RALYL: variants seen among roughly 807,000 people sequenced by gnomAD.
RALYL encodes the protein RALY RNA binding protein like.
Under a neutral mutation model 35.1 loss-of-function variants are expected in RALYL, and 29 were observed. The ratio of observed to expected loss-of-function variants is 0.83; its 90% confidence interval spans 0.61 to 1.13. The LOEUF is 1.13. Among genes scored for constraint, RALYL ranks in the 50% most tolerant of loss-of-function variants. The probability of loss-of-function intolerance (pLI) is 0.00; values close to 1 mark genes in which losing one functional copy is unlikely to be tolerated. For synonymous variants in RALYL, 120 were observed against 127.6 expected (o/e 0.94, Z 0.40); for missense variants, 359 against 360.4 (o/e 1.00, Z 0.03).
chr8:84,537,350 A>T (rs1277470959), intron 2 of RALYL, among the ~76,000 whole-genome samples: 1 of 151,496 alleles, frequency 6.6e-6, no homozygotes, highest in Non-Finnish European at 1.5e-5. Flanking sequence ...TGCACCTGTG[A>T]TCTTAGCTAT....
chr8:84,210,226 G>T (rs931176191), intron 1 of RALYL, among the ~76,000 whole-genome samples: 6 of 151,888 alleles, frequency 4.0e-5, no homozygotes, highest in Non-Finnish European at 7.4e-5. Flanking sequence ...ATGTGTGTAT[G>T]TGTATATATA....
chr8:84,714,621 T>C (rs1842683445), intron 2 of RALYL, among the ~76,000 whole-genome samples: 1 of 151,974 alleles, frequency 6.6e-6, no homozygotes, highest in Non-Finnish European at 1.5e-5. Context: ...AGTAGTGTTT[T>C]CTATGCTCTA....
At chr8:84,471,066 T>G (rs1398741380) in intron 1 of RALYL, among the ~76,000 whole-genome samples, 1 of 152,214 alleles carries the variant, frequency 6.6e-6, no homozygotes, top group Non-Finnish European at 1.5e-5. Context: ...GGCTCTGAGT[T>G]ACTTTGTGAA....
At chr8:84,532,575 C>T (rs779967713) in intron 2 of RALYL, among the ~76,000 whole-genome samples, 29 of 151,930 alleles carry the variant, frequency 1.9e-4, no homozygotes, top group Admixed American at 9.8e-4. Flanking sequence ...TCAGGTACCA[C>T]GACCTATCTA....
At chr8:84,837,356 C>T (rs1339444851) in intron 4 of RALYL, among the ~76,000 whole-genome samples, 2 of 152,252 alleles carry the variant, frequency 1.3e-5, no homozygotes, top group South Asian at 2.1e-4. Context: ...ATTGAGAAGG[C>T]TCTAGTAGTA....
At chr8:84,744,865 G>A (rs1808240354) in intron 2 of RALYL, among the ~76,000 whole-genome samples, 6 of 151,816 alleles carry the variant, frequency 4.0e-5, no homozygotes, top group Admixed American at 3.9e-4. Context: ...TGAAGTACAG[G>A]GAGTTTTGCT....
intron 1 of RALYL, among the ~76,000 whole-genome samples, chr8:84,500,948 G>A (rs1240401524): frequency 1.3e-5 from 2 of 152,122 alleles, no homozygotes; most frequent in African/African-American, 4.8e-5. Context: ...GGAATGACAA[G>A]ATGATATAAA....
intron 1 of RALYL, among the ~76,000 whole-genome samples, chr8:84,464,410 C>T (rs1362109110): frequency 2.3e-4 from 35 of 150,734 alleles, no homozygotes; most frequent in African/African-American, 6.8e-4. Context: ...TTTGTTCTTG[C>T]GATAGTTTAC....
At chr8:84,739,822 A>G (rs1490939443) in intron 2 of RALYL, among the ~76,000 whole-genome samples, 2 of 151,948 alleles carry the variant, frequency 1.3e-5, no homozygotes, top group African/African-American at 4.8e-5. Flanking sequence ...TTAAACTTTT[A>G]TACAAACTTT....
rs530519658 is a variant in RALYL at position 84,508,050 on chromosome 8, A to G, written c.-23-21249A>G. Among the ~76,000 whole-genome samples, 46 of 152,286 alleles carry G rather than the reference A, an allele frequency of 3.0e-4. No individual in the cohort carries two copies. In the South Asian group the frequency reaches 9.3e-3, roughly 31 times the overall value. On this transcript the variant is annotated intron_variant, in intron 1 of 8. Coordinates refer to ENST00000521268, the MANE Select transcript of RALYL (RefSeq NM_173848.7). Reference sequence around the variant, plus strand: ...GAGTCAATATGTTCTTTTCACTATCATTGTAAAGGGAAATAATTAGAAAAG... The same window carrying G: ...GAGTCAATATGTTCTTTTCACTATCGTTGTAAAGGGAAATAATTAGAAAAG...
chr8:84,392,480 T>C (rs1015195349), intron 1 of RALYL, among the ~76,000 whole-genome samples: 1 of 151,910 alleles, frequency 6.6e-6, no homozygotes, highest in East Asian at 1.9e-4. Context: ...TGTGGACTGA[T>C]AGATACCTTA....
chr8:84,856,636 C>CAAAG (rs1234002625), intron 5 of RALYL, among the ~76,000 whole-genome samples: 1 of 152,098 alleles, frequency 6.6e-6, no homozygotes, highest in Non-Finnish European at 1.5e-5. Context: ...CAACTGTAAC[C>CAAAG]AAAGATTTAT....
chr8:84,240,068 G>A (rs1461384025), intron 1 of RALYL, among the ~76,000 whole-genome samples: 1 of 152,048 alleles, frequency 6.6e-6, no homozygotes, highest in Admixed American at 6.6e-5. Flanking sequence ...ATCAGTGATA[G>A]CAATGACTAA....
intron 2 of RALYL, among the ~76,000 whole-genome samples, chr8:84,675,314 A>G (rs1209905202): frequency 6.6e-6 from 1 of 152,052 alleles, no homozygotes; most frequent in African/African-American, 2.4e-5. Context: ...CTCTTTTTTC[A>G]AAAGTATGTA....
At chr8:84,689,230 C>A (rs567226992) in intron 2 of RALYL, among the ~76,000 whole-genome samples, 22 of 152,200 alleles carry the variant, frequency 1.4e-4, no homozygotes, top group African/African-American at 5.1e-4. Context: ...CCTCCCCCAA[C>A]CCCCGACCGC....
At chr8:84,533,755 G>C (rs932724834) in intron 2 of RALYL, among the ~76,000 whole-genome samples, 3 of 152,100 alleles carry the variant, frequency 2.0e-5, no homozygotes, top group Non-Finnish European at 4.4e-5. Context: ...ATTCAAAGTG[G>C]GAACATGATG....
At chr8:84,635,355 G>GACC in intron 2 of RALYL, among the ~76,000 whole-genome samples, 1 of 151,282 alleles carries the variant, frequency 6.6e-6, no homozygotes, top group Non-Finnish European at 1.5e-5. Flanking sequence ...TTCTATAGAA[G>GACC]AACTATTTCC....
At chr8:84,657,664 A>G (rs1373713380) in intron 2 of RALYL, among the ~76,000 whole-genome samples, 1 of 152,174 alleles carries the variant, frequency 6.6e-6, no homozygotes, top group Non-Finnish European at 1.5e-5. Flanking sequence ...GAACACTCTA[A>G]TAGAAGTGCA....
intron 1 of RALYL, among the ~76,000 whole-genome samples, chr8:84,320,235 C>T (rs995890076): frequency 3.9e-5 from 6 of 151,950 alleles, no homozygotes; most frequent in Admixed American, 1.3e-4. Context: ...GTGTTGTCTG[C>T]GCTAGAGTCA....
Sources: allele counts gnomAD v4.1 joint callset (sites outside exome capture counted in the v4.1 genomes callset), GRCh38; gene constraint gnomAD v4.1.1; transcripts MANE v1.5; gene names NCBI Gene and HGNC (gene_info 2026-07-23, HGNC 2026-07-21).